Variants in TMEM68 observed in about 807,000 individuals in gnomAD.
TMEM68 encodes transmembrane protein 68.
A neutral mutation model predicts 36.9 loss-of-function variants in TMEM68; 25 were observed. The observed-to-expected ratio is 0.68, with a 90% CI of 0.49 to 0.95. TMEM68 has a LOEUF of 0.95. Ranked by LOEUF, TMEM68 falls within the 40% of genes least tolerant of loss-of-function variation. TMEM68 has a pLI of 0.00. For missense variants in TMEM68, 333 were observed against 392.0 expected (o/e 0.85, Z 1.27); for synonymous variants, 131 against 124.4 (o/e 1.05, Z -0.35).
At chr8:55,757,026 G>A (rs1434371336) in intron 3 of TMEM68, among the ~76,000 whole-genome samples, 1 of 152,098 alleles carries the variant, frequency 6.6e-6, no homozygotes, top group East Asian at 1.9e-4. Context: ...CAGGGGGACT[G>A]ATCAAATGAG....
chr8:55,757,727 G>A (rs1003002437), intron 3 of TMEM68, among the ~76,000 whole-genome samples: 2 of 152,138 alleles, frequency 1.3e-5, no homozygotes, highest in Admixed American at 6.6e-5. Context: ...TCTAGAGAAG[G>A]GGAAGAAGCA....
chr8:55,767,210 CTT>C (rs1436138614), intron 1 of TMEM68, among the ~76,000 whole-genome samples: 1 of 151,916 alleles, frequency 6.6e-6, no homozygotes, highest in Non-Finnish European at 1.5e-5. Flanking sequence ...TAAAAAAACT[CTT>C]AGAAGAGTGC....
intron 1 of TMEM68, among the ~76,000 whole-genome samples, chr8:55,765,015 C>T (rs922379068): frequency 1.3e-5 from 2 of 151,854 alleles, no homozygotes; most frequent in African/African-American, 2.4e-5. Flanking sequence ...GAGGTTGCAG[C>T]GAGCCGAGAT....
At chr8:55,763,761 G>A (rs1175353233) in intron 2 of TMEM68, 175 bp downstream of exon 2, 2 of 4,956 alleles carry the variant, frequency 4.0e-4, no homozygotes, top group African/African-American at 7.5e-4. Context: ...AATTCTTTAC[G>A]AAATGATTAC....
intron 4 of TMEM68, among the ~76,000 whole-genome samples, chr8:55,754,607 TTTATA>T (rs1247754499): frequency 6.0e-5 from 8 of 133,682 alleles, no homozygotes; most frequent in African/African-American, 2.0e-4. Context: ...GTAATATATA[TTTATA>T]TTATATATAA....
At chr8:55,755,385 G>A (rs1267287746) in intron 4 of TMEM68, among the ~76,000 whole-genome samples, 1 of 151,458 alleles carries the variant, frequency 6.6e-6, no homozygotes, top group Non-Finnish European at 1.5e-5. Context: ...TCTTGCCTCA[G>A]CTTCCCGAGT....
chr8:55,768,873 G>A (rs780967006), intron 1 of TMEM68, among the ~76,000 whole-genome samples: 73 of 151,330 alleles, frequency 4.8e-4, no homozygotes, highest in Admixed American at 2.0e-3. Flanking sequence ...AAAATTAGCC[G>A]GGCATGGTGA....
At chr8:55,760,924 T>C (rs190959305) in intron 3 of TMEM68, 1 of 152,316 alleles carries the variant, frequency 6.6e-6, no homozygotes, top group Admixed American at 6.5e-5. Flanking sequence ...AACTGTCCCA[T>C]CAAATACATT....
chr8:55,759,369 A>G (rs7387675), intron 3 of TMEM68, among the ~76,000 whole-genome samples: 131,090 of 151,728 alleles, frequency 0.86, 56,765 homozygotes, highest in East Asian at 0.99. Flanking sequence ...TCAGGAGTTC[A>G]AGACCAGCCT....
At chr8:55,743,717 G>A in intron 6 of TMEM68, 97 bp from the exon 7 acceptor site, 1 of 1,142,492 alleles carries the variant, frequency 8.8e-7, no homozygotes, top group Non-Finnish European at 1.2e-6. Context: ...ACAGGAAGGT[G>A]GCAAAAAGTA....
At chr8:55,748,300 TG>T (rs1163734655) in intron 5 of TMEM68, among the ~76,000 whole-genome samples, 1 of 152,204 alleles carries the variant, frequency 6.6e-6, no homozygotes, top group Non-Finnish European at 1.5e-5. Flanking sequence ...CCCATGTAGC[TG>T]GGATTACAGG....
chr8:55,762,053 AAAG>A (rs1423688102), intron 3 of TMEM68: 5 of 152,236 alleles, frequency 3.3e-5, no homozygotes, highest in Non-Finnish European at 5.9e-5. Flanking sequence ...ATGGCCAAAC[AAAG>A]AAGAACCACC....
Position 55,753,614 on chromosome 8 carries a change from G to T in TMEM68, c.494-2457C>A, listed in dbSNP as rs112307668. 7.9e-5 allele frequency among the ~76,000 whole-genome samples: 12 copies of T among 152,266 alleles called. 2 individuals carry two copies. The highest frequency in any genetic ancestry group is 2.9e-4 in the African/African-American group (12 of 41,542). ...AGATCATTACTTAATTCACTGTTTG[G>T]TTGTGTTTGTCTGGTTGATGTGTCA... On this transcript the variant is annotated intron_variant, in intron 4 of 7. Coordinates refer to ENST00000434581, the MANE Select transcript of TMEM68 (RefSeq NM_001286657.2).
At chr8:55,752,930 T>C (rs1206926120) in intron 4 of TMEM68, among the ~76,000 whole-genome samples, 1 of 151,900 alleles carries the variant, frequency 6.6e-6, no homozygotes. Context: ...GAGGTCTTGC[T>C]ATGTTGCCCA....
chr8:55,770,596 C>T (rs1811123585), intron 1 of TMEM68, among the ~76,000 whole-genome samples: 1 of 151,894 alleles, frequency 6.6e-6, no homozygotes, highest in Non-Finnish European at 1.5e-5. Flanking sequence ...ACTGCTTGAG[C>T]CCGTGGAGTG....
At chr8:55,763,526 T>G (rs1810869542) in intron 2 of TMEM68, 2 of 152,378 alleles carry the variant, frequency 1.3e-5, no homozygotes. Context: ...CAGCTGGGAC[T>G]ACAGGCATGT....
intron 5 of TMEM68, among the ~76,000 whole-genome samples, chr8:55,749,226 G>C (rs1216901270): frequency 6.6e-6 from 1 of 151,982 alleles, no homozygotes; most frequent in Non-Finnish European, 1.5e-5. Flanking sequence ...CACAAACCAG[G>C]GTGATTTGTA....
At chr8:55,750,834 G>C (rs754769467) in intron 5 of TMEM68, 130 bp downstream of exon 5, 1 of 850,944 alleles carries the variant, frequency 1.2e-6, no homozygotes, top group African/African-American at 1.7e-5. Context: ...TACCACACTC[G>C]GCCTACATAC....
intron 4 of TMEM68, among the ~76,000 whole-genome samples, chr8:55,754,591 T>C (rs1005418411): frequency 1.5e-5 from 2 of 135,342 alleles, no homozygotes; most frequent in African/African-American, 2.8e-5. Flanking sequence ...AAAATACATA[T>C]ATTATGTAAT....
Sources: allele counts gnomAD v4.1 joint callset (sites outside exome capture counted in the v4.1 genomes callset), GRCh38; gene constraint gnomAD v4.1.1; transcripts MANE v1.5; gene names NCBI Gene and HGNC (gene_info 2026-07-23, HGNC 2026-07-21).